The following ARHGAP22 variants were observed in gnomAD, a reference collection of about 807,000 sequenced individuals.
The protein encoded by ARHGAP22 is rho GTPase-activating protein 22.
In ARHGAP22, 48 loss-of-function variants were observed where a neutral mutation model predicts 59.1. The observed-to-expected ratio is 0.81, with a 90% CI of 0.64 to 1.03. The LOEUF (loss-of-function observed/expected upper bound fraction) is 1.03. Ranked by LOEUF, ARHGAP22 falls within the 50% of genes least tolerant of loss-of-function variation. The probability of loss-of-function intolerance (pLI) is 0.00; values close to 1 mark genes in which losing one functional copy is unlikely to be tolerated. For missense variants in ARHGAP22, 1,015 were observed against 958.7 expected, an observed-to-expected ratio of 1.06 and a Z score of -0.78; for synonymous variants, 445 against 416.4, an observed-to-expected ratio of 1.07 and a Z score of -0.84.
chr10:48,603,725 C>T (rs777566136), intron 1 of ARHGAP22, among the ~76,000 whole-genome samples: 2 of 152,320 alleles, frequency 1.3e-5, no homozygotes, highest in African/African-American at 4.8e-5. Flanking sequence ...TCAGCCCATG[C>T]GAAAGCACCC....
intron 3 of ARHGAP22, chr10:48,493,427 C>G (rs1237422714): frequency 6.5e-7 from 1 of 1,534,854 alleles, no homozygotes; most frequent in Non-Finnish European, 8.7e-7. Flanking sequence ...GTGACTCCAG[C>G]TATCCACTTA....
At chr10:48,526,441 T>TGG (rs1429451078) in intron 3 of ARHGAP22, among the ~76,000 whole-genome samples, 2 of 152,070 alleles carry the variant, frequency 1.3e-5, no homozygotes, top group African/African-American at 4.8e-5. Context: ...GACACATAGG[T>TGG]GGGGGTTACA....
At chr10:48,473,974 G>A (rs2133994427) in intron 4 of ARHGAP22, among the ~76,000 whole-genome samples, 1 of 152,312 alleles carries the variant, frequency 6.6e-6, no homozygotes, top group Non-Finnish European at 1.5e-5. Context: ...AGGAGGTACT[G>A]CGCCATGCAT....
At chr10:48,491,777 T>C (rs1247933640) in intron 3 of ARHGAP22, among the ~76,000 whole-genome samples, 3 of 152,248 alleles carry the variant, frequency 2.0e-5, no homozygotes, top group African/African-American at 7.2e-5. Context: ...AGTATCACTA[T>C]TCCCATTTTA....
intron 2 of ARHGAP22, among the ~76,000 whole-genome samples, chr10:48,561,747 T>C (rs141746278): frequency 3.0e-4 from 46 of 152,332 alleles, no homozygotes; most frequent in African/African-American, 1.0e-3. Context: ...TTCAACATCA[T>C]TAGTAGTTAG....
At chr10:48,571,626 C>A (rs1285029365) in intron 2 of ARHGAP22, among the ~76,000 whole-genome samples, 1 of 152,226 alleles carries the variant, frequency 6.6e-6, no homozygotes, top group Middle Eastern at 3.2e-3. Context: ...TTGTTTCAAT[C>A]ATCTACTGCT....
intron 1 of ARHGAP22, among the ~76,000 whole-genome samples, chr10:48,586,900 T>C (rs1400471059): frequency 2.6e-5 from 4 of 152,196 alleles, no homozygotes; most frequent in African/African-American, 9.6e-5. Context: ...CCAGAGCTAC[T>C]GGGCCCCCTT....
intron 4 of ARHGAP22, among the ~76,000 whole-genome samples, chr10:48,462,789 G>GC (rs2047276426): frequency 6.6e-6 from 1 of 152,270 alleles, no homozygotes; most frequent in African/African-American, 2.4e-5. Flanking sequence ...CACAGGAGGT[G>GC]ATCCTGCTGC....
At chr10:48,436,923 G>A in the ARHGAP22 span, 2 of 152,198 alleles carry the variant, frequency 1.3e-5, no homozygotes, top group Non-Finnish European at 2.9e-5. Flanking sequence ...TTGAGAATGA[G>A]TGTGTTTATA....
Position 48,583,013 on chromosome 10 carries a change from C to T in ARHGAP22, c.174G>A (p.Trp58Ter). 6.2e-7 allele frequency: 1 copy of T among 1,614,276 alleles called. No homozygotes were observed. The highest frequency in any genetic ancestry group is 8.5e-7 in the Non-Finnish European group (1 of 1,180,048). ...AAAGCTGATCCCCACGCAGCACAAA[C>T]CAGCGCTGCTGCCAGTTCTTCATGA... ...RSIMKNWQQR[W>*]FVLRGDQLFY... The change falls in exon 2 of 10, where the codon TGG becomes TGA. Residue 58 changes from tryptophan (W) to a stop codon, truncating the protein, a stop_gained. Coordinates refer to ENST00000249601, the MANE Select transcript of ARHGAP22 (RefSeq NM_021226.4). LOFTEE classifies it high-confidence loss of function.
chr10:48,545,809 T>A (rs1317867704), intron 3 of ARHGAP22, among the ~76,000 whole-genome samples: 1 of 152,188 alleles, frequency 6.6e-6, no homozygotes, highest in Non-Finnish European at 1.5e-5. Flanking sequence ...GCGACTTCAA[T>A]GACCTTGTGT....
intron 4 of ARHGAP22, among the ~76,000 whole-genome samples, chr10:48,469,764 C>T (rs1445664871): frequency 2.0e-5 from 3 of 152,200 alleles, no homozygotes; most frequent in Non-Finnish European, 4.4e-5. Context: ...GAGCTCCCTT[C>T]CTCTTCTCTC....
chr10:48,561,216 G>T (rs1489345473), intron 2 of ARHGAP22, among the ~76,000 whole-genome samples: 1 of 152,076 alleles, frequency 6.6e-6, no homozygotes, highest in Non-Finnish European at 1.5e-5. Flanking sequence ...TCCATATATG[G>T]ATAATTGATT....
At chr10:48,587,401 G>A (rs1564943183) in intron 1 of ARHGAP22, among the ~76,000 whole-genome samples, 2 of 152,302 alleles carry the variant, frequency 1.3e-5, no homozygotes, top group East Asian at 3.9e-4. Context: ...TTCTTATCTG[G>A]GTCTCAACTT....
chr10:48,433,142 T>C, the ARHGAP22 span, among the ~76,000 whole-genome samples: 3 of 152,228 alleles, frequency 2.0e-5, no homozygotes, highest in African/African-American at 7.2e-5. Flanking sequence ...TTCCATATTA[T>C]TACCATTCAG....
chr10:48,552,650 C>G (rs531475470), intron 3 of ARHGAP22, among the ~76,000 whole-genome samples: 6 of 152,306 alleles, frequency 3.9e-5, no homozygotes, highest in Admixed American at 3.3e-4. Context: ...AGAAAATGTC[C>G]CCAGACTCCC....
rs750729857 is a variant in ARHGAP22 at position 48,459,842 on chromosome 10, A to G, written c.501T>C (p.Tyr167=). 6.2e-6 allele frequency: 10 copies of G among 1,613,386 alleles called. No homozygotes were observed. In the African/African-American group the frequency reaches 8.0e-5, roughly 13 times the overall value. ...CCAGCAGGGGCGCCAGGCGGGGGCC[A>G]TACTTCCGCTCGTGGTGGACTGTTT... is the stretch of plus-strand genomic sequence containing the variant. The part of the protein sequence containing the change: ...LEETVHHERK[Y]GPRLAPLLVE... The change falls in exon 5 of 10, where the codon TAT becomes TAC. Residue 167 remains tyrosine, a synonymous_variant. Coordinates refer to ENST00000249601, the MANE Select transcript of ARHGAP22 (RefSeq NM_021226.4).
At chr10:48,468,120 C>G (rs1312701275) in intron 4 of ARHGAP22, among the ~76,000 whole-genome samples, 1 of 152,214 alleles carries the variant, frequency 6.6e-6, no homozygotes, top group Non-Finnish European at 1.5e-5. Flanking sequence ...CAGCTATGCA[C>G]TTGCACAGGC....
chr10:48,515,785 T>G (rs1309157187), intron 3 of ARHGAP22, among the ~76,000 whole-genome samples: 5 of 152,166 alleles, frequency 3.3e-5, no homozygotes, highest in Non-Finnish European at 4.4e-5. Context: ...TTTGAGAAAT[T>G]CACAAATATG....
Sources: allele counts gnomAD v4.1 joint callset (sites outside exome capture counted in the v4.1 genomes callset), GRCh38; gene constraint gnomAD v4.1.1; transcripts MANE v1.5; gene names NCBI Gene and HGNC (gene_info 2026-07-23, HGNC 2026-07-21).